NKAIN3: variants seen among roughly 807,000 people sequenced by gnomAD.
The protein encoded by NKAIN3 is sodium/potassium transporting ATPase interacting 3.
NKAIN3 carries 25 observed loss-of-function variants against 30.2 expected under a neutral mutation model. The ratio of observed to expected loss-of-function variants is 0.83; its 90% CI spans 0.60 to 1.16. The LOEUF is 1.16. NKAIN3 is among the 50% of genes most tolerant of loss of function. NKAIN3 has a pLI of 0.00. For missense variants in NKAIN3, 225 were observed against 254.1 expected (o/e 0.89, Z 0.78); for synonymous variants, 91 against 89.6 (o/e 1.02, Z -0.09).
intron 4 of NKAIN3, among the ~76,000 whole-genome samples, chr8:62,777,358 A>G (rs967666277): frequency 6.6e-6 from 1 of 151,790 alleles, no homozygotes; most frequent in Non-Finnish European, 1.5e-5. Flanking sequence ...ATTTTTTTTT[A>G]TCTTGTAGAT....
In NKAIN3 at chr8:62,345,571, A is replaced by ATG. The variant is rs1563942973; in HGVS notation, c.54+96444_54+96445insTG. 9.8e-4 allele frequency among the ~76,000 whole-genome samples: 134 copies of ATG among 137,272 alleles called. 1 individual carries two copies. Among genetic ancestry groups the ATG allele is most frequent in the African/African-American group, 4.2e-3 (128 of 30,504 alleles). 90.1% of individuals were successfully genotyped at this position (137,272 alleles called of 152,430 possible). On this transcript the variant is annotated intron_variant, in intron 1 of 6. Transcript: ENST00000623646. The stretch of plus-strand genomic sequence containing the variant: ...CATATATGTATATATACACATATAT[A>ATG]CACATATATGTATATACACACATAT...
chr8:62,410,091 C>A (rs890482370), intron 1 of NKAIN3, among the ~76,000 whole-genome samples: 1 of 151,796 alleles, frequency 6.6e-6, no homozygotes, highest in Admixed American at 6.6e-5. Flanking sequence ...TTTGGGACCC[C>A]CTCCTCCTCC....
chr8:62,556,479 CA>C (rs965437292), intron 1 of NKAIN3, among the ~76,000 whole-genome samples: 33 of 151,670 alleles, frequency 2.2e-4, no homozygotes, highest in African/African-American at 8.0e-4. Flanking sequence ...CTAAATATAT[CA>C]CAACTCAATA....
intron 1 of NKAIN3, among the ~76,000 whole-genome samples, chr8:62,294,190 A>T (rs1425099523): frequency 6.6e-6 from 1 of 152,012 alleles, no homozygotes; most frequent in Non-Finnish European, 1.5e-5. Flanking sequence ...TCCTGGGTGA[A>T]GCGTTGCTCT....
intron 2 of NKAIN3, among the ~76,000 whole-genome samples, chr8:62,586,472 A>G (rs1162276483): frequency 6.6e-6 from 1 of 152,170 alleles, no homozygotes; most frequent in Non-Finnish European, 1.5e-5. Flanking sequence ...AGATGTTCAT[A>G]TGTCTTTTTT....
At chr8:62,468,173 GTTTA>G (rs1482866239) in intron 1 of NKAIN3, among the ~76,000 whole-genome samples, 2 of 152,028 alleles carry the variant, frequency 1.3e-5, no homozygotes, top group Non-Finnish European at 2.9e-5. Flanking sequence ...TTATTTACTT[GTTTA>G]TTTAACACCT....
intron 1 of NKAIN3, among the ~76,000 whole-genome samples, chr8:62,497,293 G>T: frequency 6.6e-6 from 1 of 151,994 alleles, no homozygotes; most frequent in South Asian, 2.1e-4. Flanking sequence ...AATAAACATA[G>T]GATGTCTGTC....
intron 1 of NKAIN3, among the ~76,000 whole-genome samples, chr8:62,360,944 T>A (rs143733242): frequency 6.6e-6 from 1 of 152,034 alleles, no homozygotes; most frequent in Non-Finnish European, 1.5e-5. Flanking sequence ...TTTTGTTTTA[T>A]CTTCCTATTA....
chr8:62,256,464 G>A (rs974063668), intron 1 of NKAIN3, among the ~76,000 whole-genome samples: 1 of 152,110 alleles, frequency 6.6e-6, no homozygotes, highest in Non-Finnish European at 1.5e-5. Flanking sequence ...AGTTTTAGAA[G>A]AGTTGCTTCT....
At chr8:62,397,412 C>T (rs1307491571) in intron 1 of NKAIN3, among the ~76,000 whole-genome samples, 1 of 151,610 alleles carries the variant, frequency 6.6e-6, no homozygotes, top group Non-Finnish European at 1.5e-5. Context: ...GGAGCACAAA[C>T]CACTCTACAG....
At chr8:62,742,531 A>G (rs1168701178) in intron 3 of NKAIN3, among the ~76,000 whole-genome samples, 1 of 152,192 alleles carries the variant, frequency 6.6e-6, no homozygotes, top group African/African-American at 2.4e-5. Context: ...GGGGTGGCAT[A>G]TTCTGCTACC....
chr8:62,796,789 T>TATACACACACACACACAC (rs1817874628), intron 4 of NKAIN3, among the ~76,000 whole-genome samples: 2 of 146,064 alleles, frequency 1.4e-5, no homozygotes, highest in Non-Finnish European at 1.5e-5. Flanking sequence ...GTATCACACA[T>TATACACACACACACACAC]ACACACACAC....
intron 3 of NKAIN3, among the ~76,000 whole-genome samples, chr8:62,728,652 C>A (rs185910548): frequency 6.8e-6 from 1 of 146,256 alleles, no homozygotes; most frequent in African/African-American, 2.5e-5. Context: ...GCGACAAGAA[C>A]GAAACTTCGT....
intron 1 of NKAIN3, among the ~76,000 whole-genome samples, chr8:62,432,093 T>C (rs528398915): frequency 1.5e-4 from 23 of 151,842 alleles, no homozygotes; most frequent in Non-Finnish European, 2.8e-4. Context: ...TTTTATAATC[T>C]CTCAATTTGC....
At chr8:62,826,755 A>G (rs1228326831) in intron 4 of NKAIN3, among the ~76,000 whole-genome samples, 1 of 152,194 alleles carries the variant, frequency 6.6e-6, no homozygotes, top group African/African-American at 2.4e-5. Flanking sequence ...TTAATTATAC[A>G]TTATTTATTG....
intron 4 of NKAIN3, among the ~76,000 whole-genome samples, chr8:62,798,673 A>C (rs1209487984): frequency 6.6e-6 from 1 of 152,180 alleles, no homozygotes; most frequent in Non-Finnish European, 1.5e-5. Context: ...TTCACCCATG[A>C]CCCTTTTCAC....
chr8:62,756,935 T>A (rs1816472356), intron 4 of NKAIN3, among the ~76,000 whole-genome samples: 1 of 152,200 alleles, frequency 6.6e-6, no homozygotes, highest in African/African-American at 2.4e-5. Context: ...CATAAATTAT[T>A]ACTGCCTTAC....
Position 62,579,580 on chromosome 8 carries a change from C to T in NKAIN3, c.96C>T (p.Phe32=). 6.8e-6 allele frequency: 11 copies of T among 1,610,706 alleles called. No homozygotes were observed. The highest frequency in any genetic ancestry group is 9.3e-6 in the Non-Finnish European group (11 of 1,177,964). Residue 32 remains phenylalanine (F), a synonymous_variant, in exon 2 of 7, where the codon TTC becomes TTT. Transcript: ENST00000623646. ...GGCAGATCTTTGACTTCCTTGGTTT[C>T]CAGTGGGCGCCTATTCTTGGAAATT... ...LERQIFDFLG[F]QWAPILGNFL... is the part of the protein sequence containing the mutation.
At chr8:62,772,520 A>T (rs1817051689) in intron 4 of NKAIN3, among the ~76,000 whole-genome samples, 1 of 152,154 alleles carries the variant, frequency 6.6e-6, no homozygotes, top group Non-Finnish European at 1.5e-5. Flanking sequence ...TTTGGATAAA[A>T]CTATTTTAAC....
Sources: gnomAD v4.1 joint callset for allele counts (sites outside exome capture counted in the v4.1 genomes callset) on GRCh38, gnomAD v4.1.1 for gene constraint, MANE v1.5 for transcripts, NCBI Gene and HGNC (gene_info 2026-07-23, HGNC 2026-07-21) for gene names.